PDE1C: variants seen among roughly 807,000 people sequenced by gnomAD.
PDE1C encodes dual specificity calcium/calmodulin-dependent 3',5'-cyclic nucleotide phosphodiesterase 1C.
Under a neutral mutation model 93.1 loss-of-function variants are expected in PDE1C, and 62 were observed. The observed-to-expected ratio is 0.67, with a 90% CI of 0.54 to 0.82. The LOEUF is 0.82. Ranked by LOEUF, PDE1C falls within the 40% of genes least tolerant of loss-of-function variation. The pLI, the probability that PDE1C is intolerant of heterozygous loss-of-function variation, is 0.00. For synonymous variants in PDE1C, 325 were observed against 310.1 expected (o/e 1.05, Z -0.50); for missense variants, 742 against 884.6 (o/e 0.84, Z 2.04).
chr7:31,646,256 T>G, the PDE1C span, among the ~76,000 whole-genome samples: 4 of 152,192 alleles, frequency 2.6e-5, no homozygotes, highest in Non-Finnish European at 5.9e-5. Flanking sequence ...AGAGCATGAC[T>G]GGTCAGTAGC....
chr7:32,116,561 A>G (rs1798995751), intron 3 of PDE1C, among the ~76,000 whole-genome samples: 1 of 152,172 alleles, frequency 6.6e-6, no homozygotes, highest in Non-Finnish European at 1.5e-5. Flanking sequence ...TAAAACAGCA[A>G]AAGAGAAGGT....
chr7:32,321,122 A>G (rs187596281), intron 1 of PDE1C, among the ~76,000 whole-genome samples: 52 of 152,338 alleles, frequency 3.4e-4, no homozygotes, highest in Non-Finnish European at 5.1e-4. Flanking sequence ...CTCAGTGACA[A>G]AAGAACAAAA....
intron 16 of PDE1C, chr7:31,787,911 A>C (rs1408968797): frequency 1.3e-5 from 2 of 152,330 alleles, no homozygotes; most frequent in East Asian, 3.9e-4. Context: ...TTTTTAATAG[A>C]TAACTGCATT....
intron 16 of PDE1C, 39 bp downstream of exon 16, chr7:31,808,992 A>T: frequency 8.4e-7 from 1 of 1,192,978 alleles, no homozygotes; most frequent in Non-Finnish European, 1.2e-6. Context: ...ATTAAACTGC[A>T]CATTTTATGG....
At chr7:31,713,619 C>T in the PDE1C span, among the ~76,000 whole-genome samples, 129 of 152,336 alleles carry the variant, frequency 8.5e-4, no homozygotes, top group South Asian at 3.5e-3. Flanking sequence ...AGCAGGGGTT[C>T]TCCATGAGGA....
At chr7:31,828,268 A>C in intron 12 of PDE1C, 24 bp downstream of exon 12, 1 of 1,592,754 alleles carries the variant, frequency 6.3e-7, no homozygotes, top group Admixed American at 1.7e-5. Context: ...TGGTGCTTCT[A>C]TCCAAAGAGC....
chr7:31,998,241 G>A lies in PDE1C; in HGVS notation c.128+53313C>T, dbSNP rs369303323. On this transcript the variant is annotated intron_variant, in intron 2 of 17. Transcript: ENST00000396191. ...TCACCATGTTAGCCAGGATGGTCTC[G>A]ATCTCCTGACCTCGTGATTCTCCCG... Among the ~76,000 whole-genome samples the A allele has an allele frequency of 9.1e-4, 139 of 152,040 alleles. 1 individual carries two copies. The highest frequency in any genetic ancestry group is 3.4e-3 in the Middle Eastern group (1 of 294).
chr7:32,165,020 C>A (rs978991411), intron 3 of PDE1C, among the ~76,000 whole-genome samples: 1 of 152,210 alleles, frequency 6.6e-6, no homozygotes, highest in African/African-American at 2.4e-5. Context: ...TGTCTATTTT[C>A]CAGGTACCAA....
At chr7:31,717,357 G>A in the PDE1C span, among the ~76,000 whole-genome samples, 1 of 152,192 alleles carries the variant, frequency 6.6e-6, no homozygotes, top group African/African-American at 2.4e-5. Context: ...ACTTTGCACA[G>A]TTTCAGCTTG....
At chr7:32,200,477 G>C (rs191824912) in intron 2 of PDE1C, among the ~76,000 whole-genome samples, 1 of 152,152 alleles carries the variant, frequency 6.6e-6, no homozygotes, top group African/African-American at 2.4e-5. Context: ...ATGCTAATGG[G>C]TGCATTTTGT....
intron 2 of PDE1C, among the ~76,000 whole-genome samples, chr7:32,021,348 T>C (rs117064630): frequency 0.013 from 2,017 of 152,228 alleles, 23 homozygotes; most frequent in Non-Finnish European, 0.023. Context: ...AACTTTTATC[T>C]ACAAACCCCA....
chr7:32,104,100 T>C (rs1342200613), intron 3 of PDE1C, among the ~76,000 whole-genome samples: 2 of 151,916 alleles, frequency 1.3e-5, no homozygotes, highest in African/African-American at 2.4e-5. Context: ...AAAATGAGAA[T>C]AGAAGGAAAT....
At chr7:32,254,576 T>G (rs1809645703) in intron 1 of PDE1C, among the ~76,000 whole-genome samples, 1 of 152,328 alleles carries the variant, frequency 6.6e-6, no homozygotes, top group South Asian at 2.1e-4. Context: ...AGGTAGATAA[T>G]GAAGAGCAAG....
chr7:31,978,804 C>G (rs565230158), intron 2 of PDE1C, among the ~76,000 whole-genome samples: 2 of 152,300 alleles, frequency 1.3e-5, no homozygotes, highest in South Asian at 4.2e-4. Context: ...GACATGTTCA[C>G]ATCATCCATC....
intron 1 of PDE1C, among the ~76,000 whole-genome samples, chr7:32,237,755 T>TATAG (rs1562606918): frequency 1.0e-5 from 1 of 96,050 alleles, no homozygotes; most frequent in South Asian, 3.0e-4. Context: ...TATATATATA[T>TATAG]ATATATACTT....
intron 17 of PDE1C, among the ~76,000 whole-genome samples, chr7:31,768,253 TG>T (rs1362641542): frequency 6.6e-6 from 1 of 152,308 alleles, no homozygotes; most frequent in East Asian, 1.9e-4. Context: ...TCATTTAATG[TG>T]TGCTGAATAA....
intron 1 of PDE1C, among the ~76,000 whole-genome samples, chr7:32,242,903 T>C (rs1808643240): frequency 6.6e-6 from 1 of 152,052 alleles, no homozygotes; most frequent in South Asian, 2.1e-4. Context: ...GAATGAGAGC[T>C]GTACAAGGCC....
chr7:32,252,785 C>G (rs993842780), intron 1 of PDE1C, among the ~76,000 whole-genome samples: 1 of 152,188 alleles, frequency 6.6e-6, no homozygotes, highest in Admixed American at 6.5e-5. Flanking sequence ...AAATGAGTTA[C>G]TAGAAAATTG....
At chr7:32,329,121 A>G (rs1178068736) in intron 1 of PDE1C, among the ~76,000 whole-genome samples, 1 of 152,150 alleles carries the variant, frequency 6.6e-6, no homozygotes, top group Non-Finnish European at 1.5e-5. Context: ...AGTCCCAGCT[A>G]CCCAGGAGGC....
Sources: gnomAD v4.1 joint callset for allele counts (sites outside exome capture counted in the v4.1 genomes callset) on GRCh38, gnomAD v4.1.1 for gene constraint, MANE v1.5 for transcripts, NCBI Gene and HGNC (gene_info 2026-07-23, HGNC 2026-07-21) for gene names.